The following SMG6 variants were observed in gnomAD, a reference collection of about 807,000 sequenced individuals.
SMG6 encodes SMG6 nonsense mediated mRNA decay factor, also known as telomerase-binding protein EST1A.
In SMG6, 66 loss-of-function variants were observed where a neutral mutation model predicts 142.2. The ratio of observed to expected loss-of-function variants is 0.46; its 90% CI spans 0.38 to 0.57. The LOEUF is 0.57. SMG6 is among the 20% of genes least tolerant of loss of function. The probability of loss-of-function intolerance (pLI) is 0.00; values close to 1 mark genes in which losing one functional copy is unlikely to be tolerated. For missense variants in SMG6, 1,793 were observed against 1,832.0 expected, an observed-to-expected ratio of 0.98 and a Z score of 0.39; for synonymous variants, 779 against 702.4, an observed-to-expected ratio of 1.11 and a Z score of -1.72.
rs1390938623 is a variant in SMG6 at position 2,245,767 on chromosome 17, A to G, written c.2662-1048T>C. Among the ~76,000 whole-genome samples, 5 of 152,066 alleles carry G rather than the reference A, an allele frequency of 3.3e-5. No homozygotes were observed. In the South Asian group the frequency reaches 6.3e-4, roughly 19 times the overall value. ...GTGATCACAGCTCACTGCAACCTCA[A>G]CCTCCTGGGCTCAAGTGATCCTCCT... On this transcript the variant is annotated intron_variant, in intron 8 of 18. Coordinates refer to ENST00000263073, the MANE Select transcript of SMG6 (RefSeq NM_017575.5).
chr17:2,261,195 T>A (rs1457856499), intron 8 of SMG6, among the ~76,000 whole-genome samples: 9 of 150,430 alleles, frequency 6.0e-5, no homozygotes, highest in African/African-American at 2.2e-4. Context: ...GCACCTGTAG[T>A]CCCAGCTACT....
chr17:2,256,144 A>T (rs1399636215), intron 8 of SMG6: 1 of 154,162 alleles, frequency 6.5e-6, no homozygotes, highest in Non-Finnish European at 1.4e-5. Flanking sequence ...GACCCTGCCA[A>T]ATCCCCCTCT....
intron 4 of SMG6, among the ~76,000 whole-genome samples, chr17:2,295,589 C>G (rs1218454463): frequency 6.6e-6 from 1 of 152,172 alleles, no homozygotes; most frequent in East Asian, 1.9e-4. Flanking sequence ...TAACATTTGA[C>G]AGCTCCATTG....
chr17:2,273,082 G>T (rs1327707222), intron 8 of SMG6, among the ~76,000 whole-genome samples: 3 of 152,214 alleles, frequency 2.0e-5, no homozygotes, highest in African/African-American at 7.2e-5. Flanking sequence ...AGGCTGTGAT[G>T]TGTTTTACAG....
chr17:2,205,528 G>A lies in SMG6; in HGVS notation c.2870-17013C>T, dbSNP rs892517363. ...ATTAGAGAATCAAGACCAAGAAAAA[G>A]GTAAAAATGTCAATCACATGGATTA... On this transcript the variant is annotated intron_variant, in intron 10 of 18. Coordinates refer to ENST00000263073, the MANE Select transcript of SMG6 (RefSeq NM_017575.5). Among the ~76,000 whole-genome samples, 3 of 151,950 alleles carry A rather than the reference G, an allele frequency of 2.0e-5. No individual in the cohort carries two copies. The East Asian group carries it at 5.8e-4, about 29-fold the overall frequency.
At position 2,201,280 on chromosome 17, in the gene SMG6, T is replaced by C. The variant is rs139340235; in HGVS notation, c.2870-12765A>G. Among the ~76,000 whole-genome samples, 11 of 152,216 alleles carry C rather than the reference T, an allele frequency of 7.2e-5. No homozygotes were observed. In the South Asian group the frequency reaches 8.3e-4, roughly 12 times the overall value. On this transcript the variant is annotated intron_variant, in intron 10 of 18. Coordinates refer to ENST00000263073, the MANE Select transcript of SMG6 (RefSeq NM_017575.5). ...TTACTAATCATTAGGGAAATGCAGA[T>C]CAAAATCACACATACAACTCCATAC...
chr17:2,273,286 T>A (rs1276894492), intron 8 of SMG6, among the ~76,000 whole-genome samples: 2 of 152,066 alleles, frequency 1.3e-5, no homozygotes, highest in African/African-American at 4.8e-5. Flanking sequence ...AAGGCTGAGG[T>A]GGGCGGATCA....
At chr17:2,301,996 T>C (rs976073764) in intron 1 of SMG6, among the ~76,000 whole-genome samples, 1 of 152,354 alleles carries the variant, frequency 6.6e-6, no homozygotes, top group African/African-American at 2.4e-5. Context: ...CTCACGCCTA[T>C]AATCCCAGCA....
chr17:2,225,124 A>G (rs2073278648), intron 10 of SMG6, among the ~76,000 whole-genome samples: 1 of 152,206 alleles, frequency 6.6e-6, no homozygotes. Flanking sequence ...CTTCAGGCAG[A>G]AAGAAAATGA....
At chr17:2,165,920 C>G (rs1202941410) in intron 13 of SMG6, among the ~76,000 whole-genome samples, 1 of 151,814 alleles carries the variant, frequency 6.6e-6, no homozygotes, top group Non-Finnish European at 1.5e-5. Flanking sequence ...CACAAAGAAA[C>G]AAACAAAATG....
intron 8 of SMG6, among the ~76,000 whole-genome samples, chr17:2,263,030 A>G (rs758006299): frequency 7.0e-4 from 107 of 152,368 alleles, no homozygotes; most frequent in Admixed American, 2.2e-3. Flanking sequence ...TAAAATAGAT[A>G]AAAACAAGAA....
Position 2,292,929 on chromosome 17 carries a change from C to T in SMG6, c.2200G>A (p.Asp734Asn), listed in dbSNP as rs771460417. ...SAQRCMICQG[D>N]IARYREQASD... is the part of the protein sequence containing the mutation. Reference sequence around the variant, plus strand: ...GCTTGCTCCCGGTACCTAGCAATATCTCCTTGGCATATCATGCATCGCTGG... The same window carrying T: ...GCTTGCTCCCGGTACCTAGCAATATTTCCTTGGCATATCATGCATCGCTGG... The change falls in exon 5 of 19, where the codon GAT (aspartate) becomes AAT (asparagine). Residue 734 changes from aspartate (D) to asparagine (N), a missense_variant. Coordinates refer to ENST00000263073, the MANE Select transcript of SMG6 (RefSeq NM_017575.5). 7 of 1,614,182 alleles carry T rather than the reference C, an allele frequency of 4.3e-6. No individual in the cohort carries two copies. The highest frequency in any genetic ancestry group is 1.6e-4 in the Middle Eastern group (1 of 6,062).
At chr17:2,164,194 G>A (rs1007624563) in intron 13 of SMG6, among the ~76,000 whole-genome samples, 3 of 150,502 alleles carry the variant, frequency 2.0e-5, no homozygotes, top group Non-Finnish European at 4.4e-5. Flanking sequence ...AGGTGGAGGC[G>A]GGCAAATCAC....
At chr17:2,133,812 T>C (rs2070202430) in intron 13 of SMG6, among the ~76,000 whole-genome samples, 2 of 152,336 alleles carry the variant, frequency 1.3e-5, no homozygotes, top group South Asian at 4.1e-4. Flanking sequence ...CGTAAAACCT[T>C]GAAGAAGTCT....
intron 13 of SMG6, among the ~76,000 whole-genome samples, chr17:2,110,286 A>C (rs1257980660): frequency 2.0e-5 from 3 of 152,086 alleles, no homozygotes; most frequent in Non-Finnish European, 4.4e-5. Flanking sequence ...CACATGGTGA[A>C]AAAAAGCAAT....
chr17:2,064,006 C>T (rs1460462901), intron 18 of SMG6, among the ~76,000 whole-genome samples: 1 of 152,064 alleles, frequency 6.6e-6, no homozygotes, highest in Non-Finnish European at 1.5e-5. Flanking sequence ...TCTTGAGTAG[C>T]GGCTGTGGGC....
chr17:2,111,137 A>G (rs1278921518), intron 13 of SMG6, among the ~76,000 whole-genome samples: 1 of 152,214 alleles, frequency 6.6e-6, no homozygotes, highest in African/African-American at 2.4e-5. Flanking sequence ...ATGGTGTGGC[A>G]GGCCCTATTC....
At chr17:2,063,833 A>G (rs1331017395) in intron 18 of SMG6, among the ~76,000 whole-genome samples, 2 of 152,142 alleles carry the variant, frequency 1.3e-5, no homozygotes, top group South Asian at 4.2e-4. Context: ...AGAGGGGAGA[A>G]GAAGGTGGCC....
chr17:2,218,711 T>C (rs1247965649), intron 10 of SMG6, among the ~76,000 whole-genome samples: 1 of 152,200 alleles, frequency 6.6e-6, no homozygotes, highest in Non-Finnish European at 1.5e-5. Flanking sequence ...GATTTAACCC[T>C]GACAATGTAG....
Sources: gnomAD v4.1 joint callset for allele counts (sites outside exome capture counted in the v4.1 genomes callset) on GRCh38, gnomAD v4.1.1 for gene constraint, MANE v1.5 for transcripts, NCBI Gene and HGNC (gene_info 2026-07-23, HGNC 2026-07-21) for gene names.